Variants in SMOC2 observed in about 807,000 individuals in gnomAD.
The protein encoded by SMOC2 is SPARC-related modular calcium-binding protein 2.
In SMOC2, 39 loss-of-function variants were observed where a neutral mutation model predicts 61.4. The observed-to-expected ratio is 0.64, with a 90% CI of 0.49 to 0.83. The LOEUF (loss-of-function observed/expected upper bound fraction) is 0.83. SMOC2 is among the 40% of genes least tolerant of loss of function. The probability of loss-of-function intolerance (pLI) is 0.00; values close to 1 mark genes in which losing one functional copy is unlikely to be tolerated. For synonymous variants in SMOC2, 247 were observed against 239.9 expected (o/e 1.03, Z -0.27); for missense variants, 556 against 592.9 (o/e 0.94, Z 0.65).
chr6:168,538,069 C>T (rs1234077233), intron 4 of SMOC2, among the ~76,000 whole-genome samples: 1 of 142,738 alleles, frequency 7.0e-6, no homozygotes, highest in Admixed American at 6.9e-5. Flanking sequence ...GGTGACTGAC[C>T]CCTGCTGGGA....
chr6:168,560,019 G>A (rs1352315121), intron 7 of SMOC2, among the ~76,000 whole-genome samples: 1 of 152,208 alleles, frequency 6.6e-6, no homozygotes, highest in African/African-American at 2.4e-5. Flanking sequence ...CAGGAATGGT[G>A]TGGTGCATGA....
intron 7 of SMOC2, among the ~76,000 whole-genome samples, chr6:168,584,389 A>G (rs986427970): frequency 6.6e-6 from 1 of 152,242 alleles, no homozygotes; most frequent in Non-Finnish European, 1.5e-5. Flanking sequence ...TTCAAGGCCC[A>G]CAAGTGTTCT....
intron 9 of SMOC2, among the ~76,000 whole-genome samples, chr6:168,638,753 T>C (rs1304349297): frequency 6.6e-6 from 1 of 152,102 alleles, no homozygotes; most frequent in East Asian, 1.9e-4. Flanking sequence ...GGAAATCCAG[T>C]GGAGTCTCCA....
At position 168,456,895 on chromosome 6, in the gene SMOC2, G is replaced by A. The variant is rs1781599224; in HGVS notation, c.84+15441G>A. The stretch of plus-strand genomic sequence containing the variant: ...TCGTCATGTCCACCGAGGTGAATGA[G>A]TTCAGTCTTCATCCCTCTGCCTGTG... On this transcript the variant is annotated intron_variant, in intron 1 of 12. Coordinates refer to ENST00000356284, the MANE Select transcript of SMOC2 (RefSeq NM_001166412.2). 2.6e-5 allele frequency among the ~76,000 whole-genome samples: 4 copies of A among 152,334 alleles called. No individual in the cohort carries two copies. In the South Asian group the frequency reaches 8.3e-4, roughly 32 times the overall value.
At chr6:168,540,837 C>A (rs1474165369) in intron 4 of SMOC2, among the ~76,000 whole-genome samples, 1 of 152,064 alleles carries the variant, frequency 6.6e-6, no homozygotes, top group African/African-American at 2.4e-5. Flanking sequence ...GGGTGAGCCG[C>A]AGGCTTGTTT....
chr6:168,493,237 A>T (rs1057405962), intron 1 of SMOC2, among the ~76,000 whole-genome samples: 1 of 152,100 alleles, frequency 6.6e-6, no homozygotes, highest in Admixed American at 6.5e-5. Flanking sequence ...AGGTTCCACC[A>T]TATTGGTCAG....
At position 168,650,764 on chromosome 6, in the gene SMOC2, CCCT is replaced by C; in HGVS notation, c.999_1001del (p.Ser335del). On this transcript the variant is annotated inframe_deletion, in exon 10 of 13. Transcript: ENST00000356284. ...GGACATGGTCCACGCCGCCTCCGAC[CCCT>C]CCTCCTCGTCAGGCAGGTACGCTGT... The C allele has an allele frequency of 6.2e-7, 1 of 1,612,076 alleles. No homozygotes were observed. The highest frequency in any genetic ancestry group is 8.5e-7 in the Non-Finnish European group (1 of 1,179,850).
At chr6:168,659,662 TAGGC>T (rs1787438617) in intron 11 of SMOC2, among the ~76,000 whole-genome samples, 40 of 136,966 alleles carry the variant, frequency 2.9e-4, no homozygotes, top group African/African-American at 5.3e-4. Context: ...GTGGAGGTTG[TAGGC>T]TGGGTGAGGG....
At chr6:168,531,824 A>G (rs1783609885) in intron 4 of SMOC2, among the ~76,000 whole-genome samples, 1 of 152,236 alleles carries the variant, frequency 6.6e-6, no homozygotes, top group African/African-American at 2.4e-5. Context: ...CTTTGTCTCC[A>G]TAACCCATGT....
At chr6:168,580,028 G>A (rs1056621939) in intron 7 of SMOC2, among the ~76,000 whole-genome samples, 1 of 151,950 alleles carries the variant, frequency 6.6e-6, no homozygotes, top group African/African-American at 2.4e-5. Context: ...TGGGACTTGG[G>A]AGGCATTCCC....
At chr6:168,641,610 CA>C (rs1235009810) in intron 9 of SMOC2, among the ~76,000 whole-genome samples, 2 of 152,094 alleles carry the variant, frequency 1.3e-5, no homozygotes, top group East Asian at 1.9e-4. Context: ...TGACCTGACC[CA>C]AAAGAGAGTT....
chr6:168,606,048 A>T (rs939448765), intron 8 of SMOC2, among the ~76,000 whole-genome samples: 1 of 152,190 alleles, frequency 6.6e-6, no homozygotes, highest in African/African-American at 2.4e-5. Flanking sequence ...AAGATCGTTC[A>T]GCCCTCAGAG....
rs780048174 is a variant in SMOC2, at chr6:168,653,022, A to AT, written c.1080dup (p.Lys361Ter). 7 of 1,614,160 alleles carry AT rather than the reference A, an allele frequency of 4.3e-6. No homozygotes were observed. Among genetic ancestry groups the AT allele is most frequent in the Non-Finnish European group, 5.1e-6 (6 of 1,180,026 alleles). On this transcript the variant is annotated frameshift_variant, in exon 11 of 13. Coordinates refer to ENST00000356284, the MANE Select transcript of SMOC2 (RefSeq NM_001166412.2). LOFTEE classifies it high-confidence loss of function. Reference sequence around the variant, plus strand: ...GTGCACTGGTACTTCAAACTACTGGATAAAAACTCCAGTGGAGACATCGGC... The same window carrying AT: ...GTGCACTGGTACTTCAAACTACTGGATTAAAAACTCCAGTGGAGACATCGGC...
At chr6:168,513,095 T>C (rs1394568884) in intron 2 of SMOC2, among the ~76,000 whole-genome samples, 8 of 152,372 alleles carry the variant, frequency 5.3e-5, no homozygotes, top group African/African-American at 1.9e-4. Context: ...ATTATATACT[T>C]GTATGCACTA....
At chr6:168,461,820 AC>A (rs1781724395) in intron 1 of SMOC2, among the ~76,000 whole-genome samples, 2 of 152,190 alleles carry the variant, frequency 1.3e-5, no homozygotes, top group Admixed American at 1.3e-4. Context: ...CCATATTGTT[AC>A]AATGGTGCTC....
intron 7 of SMOC2, among the ~76,000 whole-genome samples, chr6:168,560,120 T>G (rs546225219): frequency 6.6e-6 from 1 of 152,342 alleles, no homozygotes; most frequent in East Asian, 1.9e-4. Context: ...AGAGGCAACC[T>G]TTTTCCTTAG....
At chr6:168,518,850 T>C (rs1047701086) in intron 2 of SMOC2, among the ~76,000 whole-genome samples, 3 of 150,014 alleles carry the variant, frequency 2.0e-5, no homozygotes, top group South Asian at 2.2e-4. Context: ...TGCGTGTGTG[T>C]GCCTCCTTGT....
Position 168,526,380 on chromosome 6 carries a change from C to T in SMOC2, c.291C>T (p.Thr97=). ...GGTGTGTGGCCGAAAGGAAGTATAC[C>T]CAGGAGCAAGCCCGGAAGGAGTTTC... is the stretch of plus-strand genomic sequence containing the variant. ...VSRCVAERKY[T]QEQARKEFQQ... is the part of the protein sequence containing the mutation. Residue 97 remains threonine, a synonymous_variant, in exon 3 of 13, where the codon ACC becomes ACT. Transcript: ENST00000356284. 1.9e-6 allele frequency: 3 copies of T among 1,614,202 alleles called. No homozygotes were observed. Among genetic ancestry groups the T allele is most frequent in the Non-Finnish European group, 1.7e-6 (2 of 1,180,042 alleles).
intron 1 of SMOC2, among the ~76,000 whole-genome samples, chr6:168,480,129 C>A (rs1193674346): frequency 6.6e-6 from 1 of 152,062 alleles, no homozygotes; most frequent in African/African-American, 2.4e-5. Flanking sequence ...AAACCCCAAG[C>A]AAACCCTGGG....
Sources: allele counts gnomAD v4.1 joint callset (sites outside exome capture counted in the v4.1 genomes callset), GRCh38; gene constraint gnomAD v4.1.1; transcripts MANE v1.5; gene names NCBI Gene and HGNC (gene_info 2026-07-23, HGNC 2026-07-21).